GREM2: variants seen among roughly 807,000 people sequenced by gnomAD.
GREM2 encodes gremlin-2.
Under a neutral mutation model 14.2 loss-of-function variants are expected in GREM2, and 11 were observed. The ratio of observed to expected loss-of-function variants is 0.78; its 90% CI spans 0.49 to 1.28. The LOEUF (loss-of-function observed/expected upper bound fraction) is 1.28. Ranked by LOEUF, GREM2 falls within the 50% of genes most tolerant of loss-of-function variation. The pLI, the probability that GREM2 is intolerant of heterozygous loss-of-function variation, is 0.00. For missense variants in GREM2, 210 were observed against 218.5 expected (o/e 0.96, Z 0.24); for synonymous variants, 98 against 97.6 (o/e 1.00, Z -0.02).
chr1:240,595,301 C>T (rs952348467), intron 1 of GREM2, among the ~76,000 whole-genome samples: 1 of 152,144 alleles, frequency 6.6e-6, no homozygotes, highest in South Asian at 2.1e-4. Flanking sequence ...CACTGCACTC[C>T]AGCCTGGCCA....
chr1:240,513,219 G>A (rs1444029358), intron 1 of GREM2, among the ~76,000 whole-genome samples: 2 of 152,132 alleles, frequency 1.3e-5, no homozygotes, highest in Non-Finnish European at 2.9e-5. Context: ...ACCCAGATGT[G>A]TGAGGAGAGA....
At chr1:240,561,955 C>T (rs564215033) in intron 1 of GREM2, among the ~76,000 whole-genome samples, 3 of 152,282 alleles carry the variant, frequency 2.0e-5, no homozygotes, top group South Asian at 4.1e-4. Flanking sequence ...GAAAGCCATA[C>T]TCTTTCCTTT....
chr1:240,581,181 T>C (rs1325610909), intron 1 of GREM2, among the ~76,000 whole-genome samples: 3 of 148,994 alleles, frequency 2.0e-5, no homozygotes, highest in Non-Finnish European at 3.0e-5. Context: ...ATGGGTGAGG[T>C]GGAGGTTGCA....
At chr1:240,510,504 G>A (rs1465254170) in intron 1 of GREM2, among the ~76,000 whole-genome samples, 3 of 151,832 alleles carry the variant, frequency 2.0e-5, no homozygotes, top group African/African-American at 4.8e-5. Flanking sequence ...ATGAGTACGG[G>A]GTTTCTTGTG....
chr1:240,586,126 A>AG (rs1353682079), intron 1 of GREM2, among the ~76,000 whole-genome samples: 4 of 152,024 alleles, frequency 2.6e-5, no homozygotes, highest in Non-Finnish European at 5.9e-5. Context: ...TTTAAGAAAA[A>AG]TTTTTCTCTG....
intron 1 of GREM2, among the ~76,000 whole-genome samples, chr1:240,509,547 T>C (rs182444820): frequency 7.1e-4 from 108 of 152,106 alleles, no homozygotes; most frequent in Non-Finnish European, 1.2e-3. Flanking sequence ...GTTGTATTTT[T>C]AGTAGAGACG....
rs138717892 is a variant in GREM2 at position 240,579,606 on chromosome 1, G to C, written c.-2+32278C>G. ...AAGGTGTTTCGTTCACTTCTCTCAG[G>C]AATTTGCAGTCTCATAAGGGTGTGA... On this transcript the variant is annotated intron_variant, in intron 1 of 1. Coordinates refer to ENST00000318160, the MANE Select transcript of GREM2 (RefSeq NM_022469.4). Among the ~76,000 whole-genome samples, 315 of 152,262 alleles carry C rather than the reference G, an allele frequency of 2.1e-3. 3 individuals carry two copies. Among genetic ancestry groups the C allele is most frequent in the Middle Eastern group, 3.4e-3 (1 of 294 alleles).
At chr1:240,605,062 G>A (rs2102873918) in intron 1 of GREM2, among the ~76,000 whole-genome samples, 1 of 152,118 alleles carries the variant, frequency 6.6e-6, no homozygotes, top group Non-Finnish European at 1.5e-5. Flanking sequence ...AAAGTTCTAA[G>A]TTGCTAGCCA....
chr1:240,580,446 G>C (rs760922476), intron 1 of GREM2, among the ~76,000 whole-genome samples: 2 of 152,138 alleles, frequency 1.3e-5, no homozygotes, highest in Non-Finnish European at 2.9e-5. Context: ...GCCTTATCAA[G>C]ATATATGTTC....
At chr1:240,546,740 A>G (rs1678730593) in intron 1 of GREM2, among the ~76,000 whole-genome samples, 1 of 152,208 alleles carries the variant, frequency 6.6e-6, no homozygotes, top group African/African-American at 2.4e-5. Flanking sequence ...TGGGAATGAG[A>G]GAGAAAATGA....
Position 240,591,012 on chromosome 1 carries a change from C to T in GREM2, c.-2+20872G>A, listed in dbSNP as rs529446823. Among the ~76,000 whole-genome samples the T allele has an allele frequency of 1.9e-4, 29 of 150,400 alleles. 1 individual carries two copies. The South Asian group carries it at 5.7e-3, about 30-fold the overall frequency. On this transcript the variant is annotated intron_variant, in intron 1 of 1. Coordinates refer to ENST00000318160, the MANE Select transcript of GREM2 (RefSeq NM_022469.4). ...GGCCAGGCTGGTCTCAAATGCCTGA[C>T]CTCATGATCTGCCCTCCTTGGCCTC... is the stretch of plus-strand genomic sequence containing the variant.
chr1:240,496,108 T>A (rs2103270903), intron 1 of GREM2, among the ~76,000 whole-genome samples: 1 of 152,226 alleles, frequency 6.6e-6, no homozygotes, highest in African/African-American at 2.4e-5. Flanking sequence ...AGCTAATTTT[T>A]GTATTTTTAG....
In GREM2 at chr1:240,589,734, G is replaced by T. The variant is rs1679670840; in HGVS notation, c.-2+22150C>A. On this transcript the variant is annotated intron_variant, in intron 1 of 1. Coordinates refer to ENST00000318160, the MANE Select transcript of GREM2 (RefSeq NM_022469.4). The stretch of plus-strand genomic sequence containing the variant: ...TGAGCAGGTTGTACTCAGGAGGGAA[G>T]GTGATGTGGGTAATAGGTATAGTTC... 2.6e-5 allele frequency among the ~76,000 whole-genome samples: 4 copies of T among 152,244 alleles called. No homozygotes were observed. The South Asian group carries it at 8.3e-4, about 32-fold the overall frequency.
Position 240,543,736 on chromosome 1 carries a change from A to T in GREM2, c.-1-50260T>A, listed in dbSNP as rs1164210173. Among the ~76,000 whole-genome samples the T allele has an allele frequency of 6.6e-6, 1 of 152,246 alleles. No homozygotes were observed. On this transcript the variant is annotated intron_variant, in intron 1 of 1. Transcript: ENST00000318160. This position sits in a 1 kb window ranked among gnomAD's most constrained non-coding sequence, Gnocchi z 6.4. The stretch of plus-strand genomic sequence containing the variant: ...AACTTACTATATTAAACCTACCTTG[A>T]CATTGATCTTTTATAGAAATTACTA...
In GREM2 at chr1:240,574,878, G is replaced by A. The variant is rs576028702; in HGVS notation, c.-2+37006C>T. Among the ~76,000 whole-genome samples, 3 of 152,272 alleles carry A rather than the reference G, an allele frequency of 2.0e-5. No homozygotes were observed. In the South Asian group the frequency reaches 6.2e-4, roughly 32 times the overall value. On this transcript the variant is annotated intron_variant, in intron 1 of 1. Transcript: ENST00000318160. ...AATCCCAGCACTTTGGGAGGCCGAGGCAGGCGGATCACGAGGTCAAGAGAT... is the reference window on the plus strand; with the variant it reads ...AATCCCAGCACTTTGGGAGGCCGAGACAGGCGGATCACGAGGTCAAGAGAT...
intron 1 of GREM2, among the ~76,000 whole-genome samples, chr1:240,606,291 T>A (rs1680022894): frequency 6.6e-6 from 1 of 152,130 alleles, no homozygotes; most frequent in African/African-American, 2.4e-5. Context: ...TGTAAACATG[T>A]TACAAAAATA....
At chr1:240,522,545 C>T (rs915690395) in intron 1 of GREM2, among the ~76,000 whole-genome samples, 4 of 152,128 alleles carry the variant, frequency 2.6e-5, no homozygotes, top group Admixed American at 6.5e-5. Context: ...CCCTAGAGAA[C>T]GTCATTGTTG....
chr1:240,519,846 C>T (rs1335076130), intron 1 of GREM2, among the ~76,000 whole-genome samples: 10 of 152,086 alleles, frequency 6.6e-5, no homozygotes, highest in Non-Finnish European at 1.2e-4. Flanking sequence ...TTTGGGAGGC[C>T]GAGGTGGATG....
chr1:240,505,153 A>C (rs2103282258), intron 1 of GREM2, among the ~76,000 whole-genome samples: 1 of 152,210 alleles, frequency 6.6e-6, no homozygotes, highest in Middle Eastern at 3.4e-3. Flanking sequence ...CCATGTGAGA[A>C]GTGCTGGCTC....
Sources: gnomAD v4.1 joint callset for allele counts (sites outside exome capture counted in the v4.1 genomes callset) on GRCh38, gnomAD v4.1.1 for gene constraint, Gnocchi (gnomAD v3.1) non-coding constraint, MANE v1.5 for transcripts, NCBI Gene and HGNC (gene_info 2026-07-23, HGNC 2026-07-21) for gene names.